KMT2C: variants seen among roughly 807,000 people sequenced by gnomAD.
The protein encoded by KMT2C is histone-lysine N-methyltransferase 2C.
KMT2C carries 88 observed loss-of-function variants against 507.9 expected under a neutral mutation model. That is an observed-to-expected ratio of 0.17 (90% CI 0.15 to 0.21). The LOEUF is 0.21. Ranked by LOEUF, KMT2C falls within the 10% of genes least tolerant of loss-of-function variation. KMT2C has a pLI of 1.00. For missense variants in KMT2C, 4,954 were observed against 5,957.8 expected, an observed-to-expected ratio of 0.83 and a Z score of 5.55; for synonymous variants, 2,049 against 2,080.8, an observed-to-expected ratio of 0.98 and a Z score of 0.42.
chr7:152,213,219 A>T (rs1253860483), intron 23 of KMT2C, among the ~76,000 whole-genome samples: 1 of 152,214 alleles, frequency 6.6e-6, no homozygotes, highest in Non-Finnish European at 1.5e-5. Flanking sequence ...ACACAATTCT[A>T]AAATTTGTAT....
intron 10 of KMT2C, 48 bp downstream of exon 10, chr7:152,252,498 G>T: frequency 6.7e-7 from 1 of 1,493,992 alleles, no homozygotes; most frequent in Non-Finnish European, 9.3e-7. Context: ...ATGACCACAT[G>T]AATAAAACAA....
At chr7:152,156,649 G>A (rs1037617207) in intron 44 of KMT2C, among the ~76,000 whole-genome samples, 30 of 152,038 alleles carry the variant, frequency 2.0e-4, no homozygotes, top group African/African-American at 6.8e-4. Context: ...TTCAAGTTTC[G>A]TGGTTATAGC....
intron 7 of KMT2C, among the ~76,000 whole-genome samples, chr7:152,268,909 T>G (rs1383822009): frequency 6.6e-6 from 1 of 152,166 alleles, no homozygotes; most frequent in Non-Finnish European, 1.5e-5. Flanking sequence ...CAAATCGAGG[T>G]GTGCAGTAAG....
At chr7:152,258,847 C>T (rs1203351276) in intron 9 of KMT2C, among the ~76,000 whole-genome samples, 1 of 152,076 alleles carries the variant, frequency 6.6e-6, no homozygotes, top group African/African-American at 2.4e-5. Flanking sequence ...TTTTTCAAAT[C>T]TAGAAGGAAA....
Position 152,181,779 on chromosome 7 carries a change from T to C in KMT2C, c.6081A>G (p.Ala2027=), listed in dbSNP as rs543790848. 6.2e-6 allele frequency: 10 copies of C among 1,614,138 alleles called. No homozygotes were observed. In the East Asian group the frequency reaches 6.7e-5, roughly 11 times the overall value. Residue 2027 remains alanine (A), a synonymous_variant, in exon 36 of 59, where the codon GCA becomes GCG. Transcript: ENST00000262189. The part of the protein sequence containing the change: ...FQRQRIPDSY[A]RPLLTPAPLD... ...GAGGTGCAGGTGTCAACAAGGGTCG[T>C]GCATATGAGTCAGGTATCCTTTGTC...
chr7:152,137,748 T>C (rs2090037830), intron 58 of KMT2C: 1 of 152,222 alleles, frequency 6.6e-6, no homozygotes, highest in African/African-American at 2.4e-5. Flanking sequence ...CATATTAAAC[T>C]ATTTACTCAA....
chr7:152,158,395 T>C (rs1587773326), intron 44 of KMT2C, among the ~76,000 whole-genome samples: 1 of 152,268 alleles, frequency 6.6e-6, no homozygotes, highest in East Asian at 1.9e-4. Flanking sequence ...TCCATTTGTA[T>C]TACCGTAAAT....
intron 44 of KMT2C, among the ~76,000 whole-genome samples, chr7:152,156,864 A>G (rs184750616): frequency 1.3e-5 from 2 of 152,266 alleles, no homozygotes; most frequent in Admixed American, 1.3e-4. Context: ...TGCTACTACT[A>G]AAGTAACTAA....
intron 1 of KMT2C, among the ~76,000 whole-genome samples, chr7:152,429,648 G>GT (rs2097849471): frequency 6.6e-6 from 1 of 151,652 alleles, no homozygotes; most frequent in African/African-American, 2.4e-5. Context: ...AGCCTCCCGA[G>GT]TCACTGGGAC....
At chr7:152,356,428 T>G (rs2097151943) in intron 2 of KMT2C, among the ~76,000 whole-genome samples, 1 of 151,550 alleles carries the variant, frequency 6.6e-6, no homozygotes, top group Admixed American at 6.6e-5. Flanking sequence ...ATACAAAAAT[T>G]AGCCGGGCGT....
intron 7 of KMT2C, among the ~76,000 whole-genome samples, chr7:152,267,362 C>T (rs565812703): frequency 2.0e-5 from 3 of 152,222 alleles, no homozygotes; most frequent in Admixed American, 6.5e-5. Context: ...TTTAAAAACC[C>T]GAAACATCAT....
chr7:152,176,790 C>T lies in KMT2C; in HGVS notation c.8663G>A (p.Gly2888Asp), dbSNP rs202159720. 3 of 1,614,162 alleles carry T rather than the reference C, an allele frequency of 1.9e-6. No individual in the cohort carries two copies. The Admixed American group carries it at 5.0e-5, about 27-fold the overall frequency. The change falls in exon 38 of 59, where the codon GGC becomes GAC. Residue 2888 changes from glycine to aspartate, a missense_variant. By Grantham distance (94) the Gly-to-Asp change is moderately conservative (BLOSUM62 -1). Transcript: ENST00000262189. ...TGCCTGAATGACATTTGCACTGGGG[C>T]CAGCAGTTTCTCGATTGGTTCTTTT... Reference protein sequence around the residue: ...FEKRTNRETAGPSANVIQAST... With the variant: ...FEKRTNRETADPSANVIQAST...
chr7:152,425,128 A>G (rs1223185520), intron 1 of KMT2C, among the ~76,000 whole-genome samples: 1 of 152,210 alleles, frequency 6.6e-6, no homozygotes, highest in East Asian at 1.9e-4. Context: ...TATTTACTGT[A>G]AAAGTAACAC....
chr7:152,149,322 A>G (rs969399350), intron 51 of KMT2C, among the ~76,000 whole-genome samples, 170 bp from the exon 52 acceptor site: 1 of 152,210 alleles, frequency 6.6e-6, no homozygotes, highest in Non-Finnish European at 1.5e-5. Flanking sequence ...GAAGCTGACC[A>G]TGCTCTAAGG....
rs189189568 is a variant in KMT2C, at chr7:152,262,853, T to C, written c.1299+163A>G. 6.6e-6 allele frequency among the ~76,000 whole-genome samples: 1 copy of C among 152,326 alleles called. No homozygotes were observed. The highest frequency in any genetic ancestry group is 1.9e-4 in the East Asian group (1 of 5,182). The stretch of plus-strand genomic sequence containing the variant: ...TTGAGGGTGATGACTATGTTCATTA[T>C]CTTGAAGAGTGTACAGTTTATTATA... On this transcript the variant is annotated intron_variant, in intron 9 of 58. Coordinates refer to ENST00000262189, the MANE Select transcript of KMT2C (RefSeq NM_170606.3).
At chr7:152,211,219 T>C (rs189495751) in intron 23 of KMT2C, among the ~76,000 whole-genome samples, 5 of 152,292 alleles carry the variant, frequency 3.3e-5, no homozygotes, top group African/African-American at 7.2e-5. Flanking sequence ...AGTGGATCAA[T>C]TGACTAAAAT....
intron 6 of KMT2C, among the ~76,000 whole-genome samples, chr7:152,297,097 GAA>G (rs2096522749): frequency 6.6e-6 from 1 of 150,512 alleles, no homozygotes; most frequent in Non-Finnish European, 1.5e-5. Flanking sequence ...GAGAGAGAAA[GAA>G]AGAAAGACGT....
intron 1 of KMT2C, among the ~76,000 whole-genome samples, chr7:152,388,269 T>A: frequency 6.6e-6 from 1 of 152,242 alleles, no homozygotes; most frequent in Non-Finnish European, 1.5e-5. Flanking sequence ...AATAAATAAG[T>A]ATGCTCTGGC....
chr7:152,223,927 A>G, intron 20 of KMT2C, 88 bp downstream of exon 20: 2 of 1,030,066 alleles, frequency 1.9e-6, no homozygotes, highest in Non-Finnish European at 1.4e-6. Flanking sequence ...AAAACTTGTG[A>G]TTAAGGAAAA....
Sources: allele counts gnomAD v4.1 joint callset (sites outside exome capture counted in the v4.1 genomes callset), GRCh38; gene constraint gnomAD v4.1.1; transcripts MANE v1.5; gene names NCBI Gene and HGNC (gene_info 2026-07-23, HGNC 2026-07-21).